MACROD2: variants seen among roughly 807,000 people sequenced by gnomAD.
The protein encoded by MACROD2 is mono-ADP ribosylhydrolase 2.
MACROD2 carries 36 observed loss-of-function variants against 70.4 expected under a neutral mutation model. The observed-to-expected ratio is 0.51, with a 90% CI of 0.39 to 0.68. The LOEUF (loss-of-function observed/expected upper bound fraction) is 0.68, where lower values mean the gene tolerates loss of function less well. MACROD2 is among the 30% of genes least tolerant of loss of function. The pLI is 0.00. For missense variants in MACROD2, 496 were observed against 538.4 expected (o/e 0.92, Z 0.78); for synonymous variants, 172 against 178.8 (o/e 0.96, Z 0.30).
intron 9 of MACROD2, among the ~76,000 whole-genome samples, chr20:15,879,141 C>T (rs1373680246): frequency 9.2e-5 from 14 of 152,084 alleles, no homozygotes; most frequent in Admixed American, 9.2e-4. Context: ...TGATTGCTCT[C>T]TATTTAGAAA....
At chr20:15,475,442 C>A (rs1452621282) in intron 7 of MACROD2, among the ~76,000 whole-genome samples, 1 of 152,204 alleles carries the variant, frequency 6.6e-6, no homozygotes, top group Admixed American at 6.5e-5. Flanking sequence ...AAGGTGGGGA[C>A]AAATTCTTTT....
At chr20:15,572,010 G>A (rs141155404) in intron 8 of MACROD2, among the ~76,000 whole-genome samples, 3 of 152,000 alleles carry the variant, frequency 2.0e-5, no homozygotes, top group Non-Finnish European at 4.4e-5. Flanking sequence ...ACATCCCCTG[G>A]AATCAAAGGG....
intron 10 of MACROD2, 35 bp downstream of exon 10, chr20:15,885,846 G>T: frequency 1.3e-6 from 2 of 1,487,246 alleles, no homozygotes; most frequent in Non-Finnish European, 1.8e-6. Context: ...TAGGGGGTAG[G>T]TAGGGGTCAT....
intron 5 of MACROD2, among the ~76,000 whole-genome samples, chr20:14,845,750 C>T (rs996057601): frequency 2.6e-5 from 4 of 151,868 alleles, no homozygotes; most frequent in African/African-American, 9.7e-5. Flanking sequence ...CATACCTTCC[C>T]CAAGCAGAAT....
intron 8 of MACROD2, among the ~76,000 whole-genome samples, chr20:15,698,649 A>G (rs904755222): frequency 9.9e-5 from 15 of 152,190 alleles, no homozygotes; most frequent in African/African-American, 3.6e-4. Context: ...GTTTTCTTCA[A>G]TTATTCCCCC....
At position 15,631,935 on chromosome 20, in the gene MACROD2, C is replaced by T. The variant is rs530963522; in HGVS notation, c.645+132088C>T. 2.7e-4 allele frequency among the ~76,000 whole-genome samples: 41 copies of T among 152,190 alleles called. No individual in the cohort carries two copies. In the South Asian group the frequency reaches 7.0e-3, roughly 26 times the overall value. On this transcript the variant is annotated intron_variant, in intron 8 of 17. Transcript: ENST00000684519. Reference sequence around the variant, plus strand: ...GGTGGATTGCCTGAAGTCAGGAGTTCGAGACCAGCCTGGCCAACATAGTGA... The same window carrying T: ...GGTGGATTGCCTGAAGTCAGGAGTTTGAGACCAGCCTGGCCAACATAGTGA...
At chr20:14,857,593 C>T (rs1236540717) in intron 5 of MACROD2, among the ~76,000 whole-genome samples, 1 of 152,158 alleles carries the variant, frequency 6.6e-6, no homozygotes, top group Non-Finnish European at 1.5e-5. Flanking sequence ...AAGTTATAAG[C>T]AGCCTTCATT....
chr20:15,008,275 G>A (rs1309909791), intron 5 of MACROD2, among the ~76,000 whole-genome samples: 1 of 152,168 alleles, frequency 6.6e-6, no homozygotes, highest in Non-Finnish European at 1.5e-5. Context: ...GAACCCAGGA[G>A]TTTGGGACCA....
chr20:15,321,876 T>G (rs540963941), intron 6 of MACROD2, among the ~76,000 whole-genome samples: 1 of 144,036 alleles, frequency 6.9e-6, no homozygotes, highest in Non-Finnish European at 1.6e-5. Flanking sequence ...CACTGCAACC[T>G]CTGCCTCCTG....
chr20:15,197,691 T>A (rs1316331887), intron 5 of MACROD2, among the ~76,000 whole-genome samples: 1 of 152,160 alleles, frequency 6.6e-6, no homozygotes, highest in Non-Finnish European at 1.5e-5. Flanking sequence ...GTTTCCAATC[T>A]TTATTTTATT....
intron 5 of MACROD2, among the ~76,000 whole-genome samples, chr20:15,194,753 T>A (rs1395897299): frequency 6.6e-6 from 1 of 152,180 alleles, no homozygotes; most frequent in Non-Finnish European, 1.5e-5. Context: ...TTCCTTATTT[T>A]TTTCACTAAT....
chr20:15,207,752 C>T (rs1408895636), intron 5 of MACROD2, among the ~76,000 whole-genome samples: 1 of 152,080 alleles, frequency 6.6e-6, no homozygotes, highest in Non-Finnish European at 1.5e-5. Flanking sequence ...CTCTGGCCCC[C>T]ATTACTTCTG....
intron 3 of MACROD2, among the ~76,000 whole-genome samples, chr20:14,442,034 C>G (rs2084129642): frequency 1.3e-5 from 2 of 152,172 alleles, no homozygotes; most frequent in South Asian, 4.2e-4. Context: ...CTTTGGGAGG[C>G]TGGAGCAGGT....
At chr20:14,411,838 C>T (rs1359052731) in intron 3 of MACROD2, among the ~76,000 whole-genome samples, 1 of 152,132 alleles carries the variant, frequency 6.6e-6, no homozygotes, top group Non-Finnish European at 1.5e-5. Flanking sequence ...ATAGCATCCC[C>T]TAGAGTTTAT....
chr20:14,444,887 T>TAG (rs1361233462), intron 3 of MACROD2, among the ~76,000 whole-genome samples: 1 of 151,640 alleles, frequency 6.6e-6, no homozygotes, highest in Non-Finnish European at 1.5e-5. Flanking sequence ...TATATATATG[T>TAG]AGAGAGAGAG....
chr20:14,007,909 AAAT>A (rs1439271044), intron 2 of MACROD2, among the ~76,000 whole-genome samples: 23 of 152,356 alleles, frequency 1.5e-4, no homozygotes, highest in Admixed American at 1.2e-3. Context: ...GGGAAAAATA[AAAT>A]AATAATGAGG....
intron 8 of MACROD2, among the ~76,000 whole-genome samples, chr20:15,634,011 T>C (rs1485021842): frequency 1.3e-5 from 2 of 152,234 alleles, no homozygotes; most frequent in African/African-American, 2.4e-5. Context: ...TGAACACATA[T>C]CCTTCATCTT....
At chr20:15,916,654 A>G (rs2065320934) in intron 10 of MACROD2, among the ~76,000 whole-genome samples, 1 of 152,168 alleles carries the variant, frequency 6.6e-6, no homozygotes, top group Non-Finnish European at 1.5e-5. Flanking sequence ...CCATTTACTG[A>G]CTTAAGTTCG....
chr20:15,063,031 A>C (rs1213630697), intron 5 of MACROD2, among the ~76,000 whole-genome samples: 7 of 152,214 alleles, frequency 4.6e-5, no homozygotes, highest in Non-Finnish European at 7.3e-5. Context: ...TATTTCCTTC[A>C]TACCATACTT....
Sources: gnomAD v4.1 joint callset for allele counts (sites outside exome capture counted in the v4.1 genomes callset) on GRCh38, gnomAD v4.1.1 for gene constraint, MANE v1.5 for transcripts, NCBI Gene and HGNC (gene_info 2026-07-23, HGNC 2026-07-21) for gene names.